The following IGFN1 variants were observed in gnomAD, a reference collection of about 807,000 sequenced individuals.
The protein encoded by IGFN1 is immunoglobulin like and fibronectin type III domain containing 1.
A neutral mutation model predicts 289.5 loss-of-function variants in IGFN1; 253 were observed. That is an observed-to-expected ratio of 0.87 (90% CI 0.79 to 0.97). IGFN1 has a LOEUF of 0.97. Ranked by LOEUF, IGFN1 falls within the 50% of genes least tolerant of loss-of-function variation. The pLI is 0.00. For missense variants in IGFN1, 4,470 were observed against 4,686.1 expected (o/e 0.95, Z 1.35); for synonymous variants, 1,706 against 1,788.5 (o/e 0.95, Z 1.16).
intron 9 of IGFN1, among the ~76,000 whole-genome samples, chr1:201,202,783 T>C (rs1246741923): frequency 1.5e-5 from 2 of 130,302 alleles, no homozygotes; most frequent in Admixed American, 1.6e-4. Context: ...CTTCCTTTCT[T>C]CTCATTCTGT....
chr1:201,196,052 C>A, intron 4 of IGFN1, 74 bp downstream of exon 4: 1 of 1,429,666 alleles, frequency 7.0e-7, no homozygotes. Context: ...TCTTTGGCAG[C>A]CTCCAATCCC....
chr1:201,213,628 G>A lies in IGFN1; in HGVS notation c.8728+7G>A, dbSNP rs1667951708. 1 of 1,611,268 alleles carries A rather than the reference G, an allele frequency of 6.2e-7. No individual in the cohort carries two copies. On this transcript the variant is annotated splice_region_variant and intron_variant, in intron 12 of 23. Coordinates refer to ENST00000335211, the MANE Select transcript of IGFN1 (RefSeq NM_001164586.2). ...TTCTCCAAGGATGCCCAAGGTAGGT[G>A]CTTCTCTGCTGAGCTGGCTCCCATG...
chr1:201,193,302 T>A lies in IGFN1; in HGVS notation c.7+2T>A, dbSNP rs763893500. The A allele has an allele frequency of 6.5e-7, 1 of 1,541,448 alleles. No homozygotes were observed. The highest frequency in any genetic ancestry group is 2.0e-5 in the Admixed American group (1 of 50,982). ...AAAGAGGAGGCAGAACTATGGCAGG[T>A]AAGAGAAGAACTAATCTCCCCTCCC... On this transcript the variant is annotated splice_donor_variant, in intron 2 of 23. Coordinates refer to ENST00000335211, the MANE Select transcript of IGFN1 (RefSeq NM_001164586.2). LOFTEE classifies it high-confidence loss of function.
chr1:201,197,364 C>A, intron 5 of IGFN1, 47 bp downstream of exon 5: 3 of 1,228,630 alleles, frequency 2.4e-6, no homozygotes, highest in Non-Finnish European at 2.3e-6. Flanking sequence ...GGGCAGAGAC[C>A]CACAGAGGAA....
In IGFN1 at chr1:201,211,713, A is replaced by T. The variant is rs1331443875; in HGVS notation, c.6820A>T (p.Ser2274Cys). 6.5e-7 allele frequency: 1 copy of T among 1,536,826 alleles called. No homozygotes were observed. Among genetic ancestry groups the T allele is most frequent in the East Asian group, 2.4e-5 (1 of 40,924 alleles). The change falls in exon 12 of 24, where the codon AGT becomes TGT. Residue 2274 changes from serine to cysteine, a missense_variant. Physicochemically the swap from Ser to Cys is moderately radical, Grantham distance 112. This residue lies in a region of IGFN1 where 2,218 missense variants were observed against 2,114.1 expected (regional missense o/e 1.05). Transcript: ENST00000335211. ...SYTDYRNGLG[S>C]SGKISSGDEA... ...CACAGATTACAGGAATGGTTTAGGC[A>T]GTTCTGGAAAAATCAGTTCAGGGGA...
In IGFN1 at chr1:201,194,287, G is replaced by C. The variant is rs1192028222; in HGVS notation, c.127+14G>C. 2 of 1,550,710 alleles carry C rather than the reference G, an allele frequency of 1.3e-6. No individual in the cohort carries two copies. The highest frequency in any genetic ancestry group is 2.0e-5 in the Admixed American group (1 of 50,946). Reference sequence around the variant, plus strand: ...CTCTGCCAGAGGGTGAGCCCAGAGGGGAGCTGCGGAGGGGAGGCAAGATTC... The same window carrying C: ...CTCTGCCAGAGGGTGAGCCCAGAGGCGAGCTGCGGAGGGGAGGCAAGATTC... On this transcript the variant is annotated intron_variant, in intron 3 of 23. Coordinates refer to ENST00000335211, the MANE Select transcript of IGFN1 (RefSeq NM_001164586.2).
rs567758026 is a variant in IGFN1, at chr1:201,200,172, A to T, written c.459-65A>T. 23 of 1,372,508 alleles carry T rather than the reference A, an allele frequency of 1.7e-5. No homozygotes were observed. The East Asian group carries it at 5.5e-4, about 33-fold the overall frequency. The allele number at this position is 1,372,508 out of a possible 1,614,324, so 85.0% of individuals were successfully genotyped here. ...TTCCCAGAACTACTTGGGACACCAG[A>T]GCCAGGTGGCCAACAGAGGAGCAGG... On this transcript the variant is annotated intron_variant, in intron 7 of 23. Coordinates refer to ENST00000335211, the MANE Select transcript of IGFN1 (RefSeq NM_001164586.2).
intron 6 of IGFN1, 42 bp downstream of exon 6, chr1:201,199,420 G>A: frequency 1.3e-6 from 2 of 1,534,548 alleles, no homozygotes; most frequent in Non-Finnish European, 1.8e-6. Flanking sequence ...GCCTGTGGGG[G>A]ATAGGCTACT....
At position 201,212,895 on chromosome 1, in the gene IGFN1, C is replaced by T. The variant is rs956595973; in HGVS notation, c.8002C>T (p.Pro2668Ser). ...CGCTTTTGGTGGGACCCATGAAGGG[C>T]CAGGGGGCTTTAAGGGTGGGGAGGG... ...DAAFGGTHEG[P>S]GGFKGGEGAP... is the part of the protein sequence containing the mutation. The change falls in exon 12 of 24, where the codon CCA (proline) becomes TCA (serine). Residue 2668 changes from proline to serine, a missense_variant. Pro to Ser is a moderately conservative substitution (Grantham distance 74). Coordinates refer to ENST00000335211, the MANE Select transcript of IGFN1 (RefSeq NM_001164586.2). 6.4e-7 allele frequency: 1 copy of T among 1,551,208 alleles called. No individual in the cohort carries two copies. Among genetic ancestry groups the T allele is most frequent in the African/African-American group, 1.4e-5 (1 of 73,028 alleles).
In IGFN1 at chr1:201,227,030, C is replaced by T. The variant is rs754651745; in HGVS notation, c.10935C>T (p.Val3645=). 1.4e-5 allele frequency: 23 copies of T among 1,613,628 alleles called. No homozygotes were observed. In the East Asian group the frequency reaches 4.2e-4, roughly 30 times the overall value. ...TGCAGGGCTCGCCCCGGCCCCACGT[C>T]ACCTGGTTCAAGAATGACCGCAGCC... ...CAVQGSPRPH[V]TWFKNDRSLE... is the part of the protein sequence containing the mutation. Residue 3645 remains valine, a synonymous_variant, in exon 23 of 24, where the codon GTC becomes GTT. Coordinates refer to ENST00000335211, the MANE Select transcript of IGFN1 (RefSeq NM_001164586.2).
At chr1:201,217,576 A>T (rs1653404884) in intron 17 of IGFN1, 116 bp downstream of exon 17, 2 of 1,027,854 alleles carry the variant, frequency 1.9e-6, no homozygotes, top group Admixed American at 2.6e-5. Context: ...GTGGTTTGGC[A>T]ACGTCTGGAG....
intron 16 of IGFN1, 25 bp from the exon 17 acceptor site, chr1:201,217,262 T>C (rs2102359257): frequency 6.2e-7 from 1 of 1,608,674 alleles, no homozygotes; most frequent in Non-Finnish European, 8.5e-7. Flanking sequence ...GGCCTCTGGC[T>C]GACTGGAATC....
In IGFN1 at chr1:201,221,460, G is replaced by A; in HGVS notation, c.9915G>A (p.Val3305=). The change falls in exon 19 of 24, where the codon GTG becomes GTA. Residue 3305 remains valine (V), a synonymous_variant. Coordinates refer to ENST00000335211, the MANE Select transcript of IGFN1 (RefSeq NM_001164586.2). ...ARDPMRPPGL[V]RNLQVTDRSN... ...GCCTGGCAGGACCCCCTGGGCTGGT[G>A]AGGAATCTCCAAGTCACAGACAGAT... is the stretch of plus-strand genomic sequence containing the variant. The A allele has an allele frequency of 1.9e-6, 3 of 1,594,804 alleles. No individual in the cohort carries two copies. The highest frequency in any genetic ancestry group is 2.6e-6 in the Non-Finnish European group (3 of 1,169,162).
intron 19 of IGFN1, chr1:201,222,027 C>A (rs1653770773): frequency 3.4e-6 from 1 of 292,534 alleles, no homozygotes; most frequent in Non-Finnish European, 6.3e-6. Flanking sequence ...CTAGTTGTCA[C>A]TAATGGTATG....
chr1:201,211,568 T>C lies in IGFN1; in HGVS notation c.6675T>C (p.Gly2225=), dbSNP rs780740362. ...ATTTGGGGGCTCCTAAGGGAATGGG[T>C]TCAGGGAGTAAGGCAGGTTTCAGGG... ...RKDLGAPKGM[G]SGSKAGFRDG... is the part of the protein sequence containing the mutation. The change falls in exon 12 of 24, where the codon GGT becomes GGC. Residue 2225 remains glycine, a synonymous_variant. Coordinates refer to ENST00000335211, the MANE Select transcript of IGFN1 (RefSeq NM_001164586.2). 1.2e-5 allele frequency: 19 copies of C among 1,533,614 alleles called. No individual in the cohort carries two copies. The highest frequency in any genetic ancestry group is 8.7e-6 in the Non-Finnish European group (10 of 1,145,598).
intron 5 of IGFN1, 79 bp downstream of exon 5, chr1:201,197,396 A>AGGGAG (rs1666966290): frequency 5.9e-6 from 3 of 506,714 alleles, no homozygotes; most frequent in Admixed American, 4.7e-5. Flanking sequence ...GTGGCTAGTG[A>AGGGAG]GGGAGGGGAG....
At chr1:201,217,026 C>T (rs546062447) in intron 16 of IGFN1, among the ~76,000 whole-genome samples, 375 of 152,298 alleles carry the variant, frequency 2.5e-3, no homozygotes, top group South Asian at 9.5e-3. Context: ...CCGCCTCCAA[C>T]ATCCTATCAG....
chr1:201,214,634 C>CAA (rs1295701206), intron 13 of IGFN1, among the ~76,000 whole-genome samples: 2 of 152,116 alleles, frequency 1.3e-5, no homozygotes, highest in Non-Finnish European at 2.9e-5. Flanking sequence ...GGGCCCTCGT[C>CAA]TCCCTGCACA....
chr1:201,194,219 G>A lies in IGFN1; in HGVS notation c.73G>A (p.Gly25Ser). The stretch of plus-strand genomic sequence containing the variant: ...GCAGCTGGTGGAGGAGATCCCTGAA[G>A]GCTGCAGCACGCCGGACTTTGAGCA... Reference protein sequence around the residue: ...IWQLVEEIPEGCSTPDFEQKP... With the variant: ...IWQLVEEIPESCSTPDFEQKP... The change falls in exon 3 of 24, where the codon GGC becomes AGC. Residue 25 changes from glycine (G) to serine (S), a missense_variant. Gly to Ser is a moderately conservative substitution (Grantham distance 56). Transcript: ENST00000335211. The A allele has an allele frequency of 6.4e-7, 1 of 1,551,652 alleles. No individual in the cohort carries two copies. Among genetic ancestry groups the A allele is most frequent in the Non-Finnish European group, 8.7e-7 (1 of 1,146,966 alleles).
Sources: gnomAD v4.1 joint callset for allele counts (sites outside exome capture counted in the v4.1 genomes callset) on GRCh38, gnomAD v4.1.1 for gene constraint, gnomAD v4.1.1 regional missense constraint, MANE v1.5 for transcripts, NCBI Gene and HGNC (gene_info 2026-07-23, HGNC 2026-07-21) for gene names.